Variants in TMEFF1 observed in about 807,000 individuals in gnomAD.
The protein encoded by TMEFF1 is tomoregulin-1.
TMEFF1 carries 20 observed loss-of-function variants against 47.5 expected under a neutral mutation model. The observed-to-expected ratio is 0.42, with a 90% CI of 0.30 to 0.61. The LOEUF (loss-of-function observed/expected upper bound fraction) is 0.61, where lower values mean the gene tolerates loss of function less well. Ranked by LOEUF, TMEFF1 falls within the 20% of genes least tolerant of loss-of-function variation. TMEFF1 has a pLI of 0.19. For missense variants in TMEFF1, 411 were observed against 471.1 expected, an observed-to-expected ratio of 0.87 and a Z score of 1.18; for synonymous variants, 162 against 166.3, an observed-to-expected ratio of 0.97 and a Z score of 0.20.
chr9:100,571,188 T>A (rs1175485749), intron 8 of TMEFF1, among the ~76,000 whole-genome samples: 1 of 152,200 alleles, frequency 6.6e-6, no homozygotes, highest in East Asian at 1.9e-4. Context: ...AATTTGGTGC[T>A]ATGTTCAGAG....
chr9:100,540,795 T>C (rs2118487604), intron 5 of TMEFF1, among the ~76,000 whole-genome samples: 1 of 152,358 alleles, frequency 6.6e-6, no homozygotes, highest in East Asian at 1.9e-4. Flanking sequence ...CTCATTGTGA[T>C]TTTAATTTTA....
intron 9 of TMEFF1, among the ~76,000 whole-genome samples, chr9:100,574,282 G>A (rs1839306795): frequency 6.6e-6 from 1 of 152,170 alleles, no homozygotes; most frequent in South Asian, 2.1e-4. Flanking sequence ...GTAGGGGGAA[G>A]ACCATTTAAG....
chr9:100,537,585 A>T (rs1034340875), intron 5 of TMEFF1, among the ~76,000 whole-genome samples: 1 of 152,212 alleles, frequency 6.6e-6, no homozygotes, highest in Admixed American at 6.5e-5. Flanking sequence ...GCAATGTAAC[A>T]ATAAGGTCAC....
rs2118207752 is a variant in TMEFF1, at chr9:100,473,715, C to G, written c.171C>G (p.Gly57=). 1 of 1,530,910 alleles carries G rather than the reference C, an allele frequency of 6.5e-7. No individual in the cohort carries two copies. The highest frequency in any genetic ancestry group is 8.8e-7 in the Non-Finnish European group (1 of 1,137,914). The allele number at this position is 1,530,910 out of a possible 1,614,324, so 94.8% of individuals were successfully genotyped here. The change falls in exon 1 of 10, where the codon GGC becomes GGG. Residue 57 remains glycine (G), a synonymous_variant. Transcript: ENST00000374879. The surrounding 1 kb of genome is among the most constrained non-coding windows in gnomAD (Gnocchi z 5.4). Reference sequence around the variant, plus strand: ...GCAGCGGCGGGGACTGTCCCGGCGGCAAAGGCAAGAGCATCAACTGCTCAG... The same window carrying G: ...GCAGCGGCGGGGACTGTCCCGGCGGGAAAGGCAAGAGCATCAACTGCTCAG... ...GGGSGGDCPG[G]KGKSINCSEL...
chr9:100,553,445 G>A (rs975133062), intron 7 of TMEFF1, among the ~76,000 whole-genome samples: 1 of 152,202 alleles, frequency 6.6e-6, no homozygotes, highest in African/African-American at 2.4e-5. Context: ...CAGGAACACA[G>A]CACCAGCAAG....
chr9:100,563,775 C>G (rs1229221388), intron 8 of TMEFF1, among the ~76,000 whole-genome samples: 2 of 152,026 alleles, frequency 1.3e-5, no homozygotes, highest in African/African-American at 2.4e-5. Flanking sequence ...AGGACCTAGC[C>G]CAGTAGGTAC....
intron 1 of TMEFF1, among the ~76,000 whole-genome samples, chr9:100,485,649 C>T (rs1177099431): frequency 6.6e-6 from 1 of 152,136 alleles, no homozygotes; most frequent in African/African-American, 2.4e-5. Flanking sequence ...TGGGAGATAA[C>T]TTCAACCTAT....
At chr9:100,510,246 A>T (rs1401130102) in intron 3 of TMEFF1, among the ~76,000 whole-genome samples, 1 of 152,134 alleles carries the variant, frequency 6.6e-6, no homozygotes, top group Non-Finnish European at 1.5e-5. Flanking sequence ...GGGCTAACAG[A>T]CTCACTGACA....
intron 5 of TMEFF1, among the ~76,000 whole-genome samples, chr9:100,546,902 A>G (rs964988204): frequency 2.0e-5 from 3 of 152,214 alleles, no homozygotes; most frequent in Admixed American, 6.5e-5. Context: ...CTCAGTGTTC[A>G]GTGGATACTC....
At chr9:100,511,240 A>C (rs1282545818) in intron 3 of TMEFF1, among the ~76,000 whole-genome samples, 1 of 152,226 alleles carries the variant, frequency 6.6e-6, no homozygotes, top group Non-Finnish European at 1.5e-5. Flanking sequence ...CCAGTCTCAA[A>C]TTATGTTTCA....
At chr9:100,484,234 C>CT (rs1837403307) in intron 1 of TMEFF1, among the ~76,000 whole-genome samples, 2 of 152,024 alleles carry the variant, frequency 1.3e-5, no homozygotes, top group Admixed American at 1.3e-4. Flanking sequence ...CCATCATCAT[C>CT]TTTTTTCTAA....
At chr9:100,543,561 A>G (rs1184893974) in intron 5 of TMEFF1, among the ~76,000 whole-genome samples, 3 of 152,104 alleles carry the variant, frequency 2.0e-5, no homozygotes, top group African/African-American at 7.2e-5. Flanking sequence ...GAGTTTCTCC[A>G]GAGAAGATTG....
chr9:100,529,730 G>A (rs1488616459), intron 5 of TMEFF1, among the ~76,000 whole-genome samples: 1 of 152,044 alleles, frequency 6.6e-6, no homozygotes, highest in Non-Finnish European at 1.5e-5. Flanking sequence ...ACTCAGCTCT[G>A]CACCAAGCGG....
chr9:100,496,587 C>T (rs1837653687), intron 1 of TMEFF1, among the ~76,000 whole-genome samples: 1 of 152,152 alleles, frequency 6.6e-6, no homozygotes. Context: ...TGATTATTCC[C>T]CTAAAGTATT....
chr9:100,526,460 T>A (rs891279653), intron 5 of TMEFF1, among the ~76,000 whole-genome samples: 2 of 151,570 alleles, frequency 1.3e-5, no homozygotes, highest in Non-Finnish European at 2.9e-5. Context: ...CTGTTTTAAG[T>A]TTTTTTTGCT....
intron 7 of TMEFF1, among the ~76,000 whole-genome samples, chr9:100,555,963 C>T (rs1376468134): frequency 6.6e-6 from 1 of 152,236 alleles, no homozygotes; most frequent in Non-Finnish European, 1.5e-5. Context: ...AGAACAGCGA[C>T]TGGAATTCAG....
At chr9:100,530,004 AAC>A (rs1838345530) in intron 5 of TMEFF1, among the ~76,000 whole-genome samples, 1 of 152,130 alleles carries the variant, frequency 6.6e-6, no homozygotes, top group African/African-American at 2.4e-5. Flanking sequence ...CTGGGTACAT[AAC>A]GAAATGAAGG....
intron 7 of TMEFF1, among the ~76,000 whole-genome samples, chr9:100,557,574 A>C (rs1485910837): frequency 6.6e-6 from 1 of 152,094 alleles, no homozygotes; most frequent in Non-Finnish European, 1.5e-5. Flanking sequence ...TTTGCCTTCC[A>C]CCATTCCTCT....
At position 100,563,062 on chromosome 9, in the gene TMEFF1, C is replaced by T. The variant is rs184401904; in HGVS notation, c.899+1542C>T. 5.9e-3 allele frequency among the ~76,000 whole-genome samples: 897 copies of T among 152,178 alleles called. 4 individuals are homozygous for T. The highest frequency in any genetic ancestry group is 0.021 in the African/African-American group (854 of 41,520). ...TGATCTCTTGACCTCATGATCCGCC[C>T]GCCTTGGCCTCCCAAAGTGCTGGGA... On this transcript the variant is annotated intron_variant, in intron 8 of 9. Transcript: ENST00000374879.
Sources: gnomAD v4.1 joint callset for allele counts (sites outside exome capture counted in the v4.1 genomes callset) on GRCh38, gnomAD v4.1.1 for gene constraint, Gnocchi (gnomAD v3.1) non-coding constraint, MANE v1.5 for transcripts, NCBI Gene and HGNC (gene_info 2026-07-23, HGNC 2026-07-21) for gene names.